The following LAMA3 variants were observed in gnomAD, a reference collection of about 807,000 sequenced individuals.
LAMA3 encodes laminin subunit alpha 3.
In LAMA3, 281 loss-of-function variants were observed where a neutral mutation model predicts 402.0. The ratio of observed to expected loss-of-function variants is 0.70; its 90% CI spans 0.63 to 0.77. The LOEUF is 0.77. Among genes scored for constraint, LAMA3 ranks in the 30% least tolerant of loss-of-function variants. LAMA3 has a pLI of 0.00. For missense variants in LAMA3, 3,840 were observed against 4,215.5 expected (o/e 0.91, Z 2.47); for synonymous variants, 1,431 against 1,558.4 (o/e 0.92, Z 1.93).
At chr18:23,744,831 CAAAA>C (rs755527455) in intron 2 of LAMA3, among the ~76,000 whole-genome samples, 4 of 31,074 alleles carry the variant, frequency 1.3e-4, no homozygotes, top group Admixed American at 1.3e-3. Context: ...GACTCTGTCT[CAAAA>C]AAAAAAAAAA....
chr18:23,711,252 T>C (rs1437438147), intron 1 of LAMA3, among the ~76,000 whole-genome samples: 1 of 152,248 alleles, frequency 6.6e-6, no homozygotes, highest in Non-Finnish European at 1.5e-5. Flanking sequence ...CTGTCTTGCC[T>C]ATACACTTAT....
At chr18:23,747,873 C>G (rs2061678543) in intron 2 of LAMA3, 70 bp from the exon 3 acceptor site, 2 of 916,394 alleles carry the variant, frequency 2.2e-6, no homozygotes, top group Non-Finnish European at 3.7e-6. Flanking sequence ...GAATCAGCAT[C>G]ACATAGAGAT....
chr18:23,943,947 A>G lies in LAMA3; in HGVS notation c.9186A>G (p.Lys3062=), dbSNP rs2145505266. ...AATTGAGGATCAAAAGCAAGGAGAAATGCAATGATGGGAAATGGCACACGG... is the reference window on the plus strand; with the variant it reads ...AATTGAGGATCAAAAGCAAGGAGAAGTGCAATGATGGGAAATGGCACACGG... The part of the protein sequence containing the change: ...GKKLRIKSKE[K]CNDGKWHTVV... The change falls in exon 69 of 75, where the codon AAA becomes AAG. Residue 3062 remains lysine, a synonymous_variant. Transcript: ENST00000313654. The G allele has an allele frequency of 6.2e-6, 10 of 1,614,108 alleles. No individual in the cohort carries two copies. The highest frequency in any genetic ancestry group is 8.5e-6 in the Non-Finnish European group (10 of 1,179,968).
chr18:23,943,844 C>T lies in LAMA3; in HGVS notation c.9083C>T (p.Thr3028Met), dbSNP rs925512818. ...TCCTCCAGAGGACTGGTGTTTCACACGGGCACTAAGAACTCCTTTATGGCT... is the reference window on the plus strand; with the variant it reads ...TCCTCCAGAGGACTGGTGTTTCACATGGGCACTAAGAACTCCTTTATGGCT... The part of the protein sequence containing the change: ...TTSSRGLVFH[T>M]GTKNSFMALY... Residue 3028 changes from threonine (T) to methionine (M), a missense_variant, in exon 69 of 75, where the codon ACG becomes ATG. Coordinates refer to ENST00000313654, the MANE Select transcript of LAMA3 (RefSeq NM_198129.4). 8.7e-6 allele frequency: 14 copies of T among 1,613,794 alleles called. No individual in the cohort carries two copies. Among genetic ancestry groups the T allele is most frequent in the African/African-American group, 2.7e-5 (2 of 74,882 alleles).
chr18:23,837,311 T>C (rs886281119), intron 25 of LAMA3: 1 of 542,384 alleles, frequency 1.8e-6, no homozygotes, highest in Non-Finnish European at 3.3e-6. Flanking sequence ...TAAGCACCTC[T>C]CACAAAATCC....
intron 70 of LAMA3, among the ~76,000 whole-genome samples, chr18:23,949,371 G>A (rs1467409763): frequency 6.6e-6 from 1 of 152,202 alleles, no homozygotes; most frequent in Non-Finnish European, 1.5e-5. Context: ...AAGAGACGGT[G>A]AAATCTGTGA....
intron 24 of LAMA3, among the ~76,000 whole-genome samples, chr18:23,835,516 C>T (rs1273930862): frequency 6.6e-6 from 1 of 152,178 alleles, no homozygotes; most frequent in Non-Finnish European, 1.5e-5. Flanking sequence ...TGGCTCTGAA[C>T]ATGACAACAC....
At position 23,842,691 on chromosome 18, in the gene LAMA3, A is replaced by T; in HGVS notation, c.3544A>T (p.Ile1182Phe). Residue 1182 changes from isoleucine (I) to phenylalanine (F), a missense_variant, in exon 29 of 75, where the codon ATC becomes TTC. Around this residue, in one of 3 missense-constraint regions of LAMA3, gnomAD observed 2,109 missense variants for 2,376.0 expected, o/e 0.89. Transcript: ENST00000313654. ...VIAEGQIEFDISEPEVAATVK... is the reference protein window; with the variant it reads ...VIAEGQIEFDFSEPEVAATVK... ...TGCCGAAGGCCAGATTGAGTTTGACATCTCAGAGCCTGAAGTGGCCGCAAC... is the reference window on the plus strand; with the variant it reads ...TGCCGAAGGCCAGATTGAGTTTGACTTCTCAGAGCCTGAAGTGGCCGCAAC... 1 of 1,614,174 alleles carries T rather than the reference A, an allele frequency of 6.2e-7. No individual in the cohort carries two copies. The highest frequency in any genetic ancestry group is 1.1e-5 in the South Asian group (1 of 91,080).
chr18:23,920,567 G>T (rs2081796501), intron 60 of LAMA3, among the ~76,000 whole-genome samples: 4 of 152,142 alleles, frequency 2.6e-5, no homozygotes, highest in Admixed American at 1.3e-4. Flanking sequence ...AGGTATCTGA[G>T]GTCTGCATAA....
At position 23,815,202 on chromosome 18, in the gene LAMA3, A is replaced by G. The variant is rs2144333805; in HGVS notation, c.1903A>G (p.Lys635Glu). 1 of 1,614,186 alleles carries G rather than the reference A, an allele frequency of 6.2e-7. No individual in the cohort carries two copies. Among genetic ancestry groups the G allele is most frequent in the Non-Finnish European group, 8.5e-7 (1 of 1,180,000 alleles). The change falls in exon 16 of 75, where the codon AAG becomes GAG. Residue 635 changes from lysine (K) to glutamate (E), a missense_variant. Lys to Glu is a moderately conservative substitution (Grantham distance 56, BLOSUM62 1). Around this residue, in one of 3 missense-constraint regions of LAMA3, gnomAD observed 2,109 missense variants for 2,376.0 expected, o/e 0.89. Coordinates refer to ENST00000313654, the MANE Select transcript of LAMA3 (RefSeq NM_198129.4). ...PSGCSECKCH[K>E]AGTVSGTGEC... The stretch of plus-strand genomic sequence containing the variant: ...TATCTCCACAGAATGCAAGTGCCAT[A>G]AGGCGGGAACAGTGAGTGGAACTGG...
chr18:23,704,659 C>T (rs2060852562), intron 1 of LAMA3, among the ~76,000 whole-genome samples: 1 of 152,180 alleles, frequency 6.6e-6, no homozygotes, highest in Middle Eastern at 3.2e-3. Context: ...ACAGATCCAG[C>T]TCTTAGTGTT....
chr18:23,939,544 G>A (rs560050752), intron 68 of LAMA3, among the ~76,000 whole-genome samples, 158 bp downstream of exon 68: 4 of 152,372 alleles, frequency 2.6e-5, no homozygotes, highest in South Asian at 2.1e-4. Flanking sequence ...AGGACAGGGA[G>A]CGTGATTGCC....
chr18:23,953,068 C>T lies in LAMA3; in HGVS notation c.9815C>T (p.Pro3272Leu). 6.2e-7 allele frequency: 1 copy of T among 1,614,130 alleles called. No individual in the cohort carries two copies. Among genetic ancestry groups the T allele is most frequent in the Non-Finnish European group, 8.5e-7 (1 of 1,179,996 alleles). The change falls in exon 74 of 75, where the codon CCT becomes CTT. Residue 3272 changes from proline to leucine, a missense_variant. Transcript: ENST00000313654. ...ACAGCTGGACAGATCCCCTTCCCAC[C>T]TGCCAGCACTCAAGAGCCACTACAC... The part of the protein sequence containing the change: ...SYTAGQIPFP[P>L]ASTQEPLHLG...
At chr18:23,826,296 T>C (rs972930673) in intron 21 of LAMA3, among the ~76,000 whole-genome samples, 24 of 152,398 alleles carry the variant, frequency 1.6e-4, no homozygotes, top group African/African-American at 5.0e-4. Flanking sequence ...ACCGTGCCAG[T>C]TGAGCGTTAC....
chr18:23,767,788 G>C (rs1238056848), intron 8 of LAMA3, among the ~76,000 whole-genome samples: 2 of 151,862 alleles, frequency 1.3e-5, no homozygotes, highest in African/African-American at 4.8e-5. Context: ...GGCCAGGCTG[G>C]TCTCAAACTC....
At chr18:23,750,835 C>A in intron 4 of LAMA3, 83 bp from the exon 5 acceptor site, 1 of 1,439,412 alleles carries the variant, frequency 6.9e-7, no homozygotes, top group Non-Finnish European at 9.8e-7. Context: ...TGCCTTGGGG[C>A]ATGTGAGTTA....
chr18:23,915,686 C>T (rs958658170), intron 59 of LAMA3, among the ~76,000 whole-genome samples: 3 of 152,008 alleles, frequency 2.0e-5, no homozygotes, highest in African/African-American at 7.3e-5. Flanking sequence ...GTGCCTCCTA[C>T]CACAAAATAT....
chr18:23,779,512 G>A (rs1019145064), intron 11 of LAMA3, among the ~76,000 whole-genome samples: 6 of 152,112 alleles, frequency 3.9e-5, no homozygotes, highest in African/African-American at 1.4e-4. Context: ...AAGGCTTTTC[G>A]GCTGAGCAGT....
Position 23,907,878 on chromosome 18 carries a change from T to A in LAMA3, c.6958T>A (p.Tyr2320Asn). ...AGATGTGGAAAGAATTAAGGACACC[T>A]ATGGGAGGACACAGAACGAAGACTT... ...QTDVERIKDT[Y>N]GRTQNEDFKK... is the part of the protein sequence containing the mutation. Residue 2320 changes from tyrosine (Y) to asparagine (N), a missense_variant, in exon 54 of 75, where the codon TAT (tyrosine) becomes AAT (asparagine). By Grantham distance (143) the Tyr-to-Asn change is moderately radical (BLOSUM62 -2). Coordinates refer to ENST00000313654, the MANE Select transcript of LAMA3 (RefSeq NM_198129.4). The A allele has an allele frequency of 6.2e-7, 1 of 1,614,098 alleles. No individual in the cohort carries two copies. The highest frequency in any genetic ancestry group is 8.5e-7 in the Non-Finnish European group (1 of 1,180,006).
Sources: gnomAD v4.1 joint callset for allele counts (sites outside exome capture counted in the v4.1 genomes callset) on GRCh38, gnomAD v4.1.1 for gene constraint, gnomAD v4.1.1 regional missense constraint, MANE v1.5 for transcripts, NCBI Gene and HGNC (gene_info 2026-07-23, HGNC 2026-07-21) for gene names.